PRDM16: variants seen among roughly 807,000 people sequenced by gnomAD.
PRDM16 encodes histone-lysine N-methyltransferase PRDM16.
In PRDM16, 23 loss-of-function variants were observed where a neutral mutation model predicts 110.6. The ratio of observed to expected loss-of-function variants is 0.21; its 90% CI spans 0.15 to 0.29. PRDM16 has a LOEUF of 0.29. PRDM16 is among the 10% of genes least tolerant of loss of function. PRDM16 has a pLI of 1.00. For synonymous variants in PRDM16, 799 were observed against 781.8 expected, an observed-to-expected ratio of 1.02 and a Z score of -0.37; for missense variants, 1,615 against 1,794.3, an observed-to-expected ratio of 0.90 and a Z score of 1.81.
Position 3,411,388 on chromosome 1 carries a change from G to A in PRDM16, c.1191G>A (p.Glu397=), listed in dbSNP as rs1569727082. Reference sequence around the variant, plus strand: ...TGGCTTCTGCTGATGTTTTAGGTGAGGTCTGCCACAAGTCCTACACGCAGT... The same window carrying A: ...TGGCTTCTGCTGATGTTTTAGGTGAAGTCTGCCACAAGTCCTACACGCAGT... ...IHSTVKPFIC[E]VCHKSYTQFS... Residue 397 remains glutamate, a synonymous_variant, in exon 9 of 17, where the codon GAG becomes GAA. Coordinates refer to ENST00000270722, the MANE Select transcript of PRDM16 (RefSeq NM_022114.4). 6.2e-7 allele frequency: 1 copy of A among 1,600,964 alleles called. No individual in the cohort carries two copies. The highest frequency in any genetic ancestry group is 8.6e-7 in the Non-Finnish European group (1 of 1,168,950).
Position 3,426,091 on chromosome 1 carries a change from C to G in PRDM16, c.3150C>G (p.Thr1050=). The change falls in exon 14 of 17, where the codon ACC becomes ACG. Residue 1050 remains threonine (T), a synonymous_variant. Coordinates refer to ENST00000270722, the MANE Select transcript of PRDM16 (RefSeq NM_022114.4). ...GGGTCCTCACGAACCACCTGGGGAC[C>G]AGCGCGTCCTCTCCCACCTCAGAGT... ...HPGVLTNHLG[T]SASSPTSESD... is the part of the protein sequence containing the mutation. 1 of 1,613,848 alleles carries G rather than the reference C, an allele frequency of 6.2e-7. No homozygotes were observed. The highest frequency in any genetic ancestry group is 8.5e-7 in the Non-Finnish European group (1 of 1,179,952).
chr1:3,412,347 G>A lies in PRDM16; in HGVS notation c.2150G>A (p.Gly717Asp), dbSNP rs746583494. The A allele has an allele frequency of 6.2e-7, 1 of 1,613,642 alleles. No individual in the cohort carries two copies. The highest frequency in any genetic ancestry group is 1.7e-5 in the Admixed American group (1 of 60,026). ...ATGGGGATGCAGGAGAAGAAGCTGGGCTCGCTCCCCTACCACTCGGCGTTC... is the reference window on the plus strand; with the variant it reads ...ATGGGGATGCAGGAGAAGAAGCTGGACTCGCTCCCCTACCACTCGGCGTTC... ...GFMGMQEKKL[G>D]SLPYHSAFPF... The change falls in exon 9 of 17, where the codon GGC (glycine) becomes GAC (aspartate). Residue 717 changes from glycine to aspartate, a missense_variant. Coordinates refer to ENST00000270722, the MANE Select transcript of PRDM16 (RefSeq NM_022114.4).
In PRDM16 at chr1:3,097,778, G is replaced by T. The variant is rs537235940; in HGVS notation, c.37+28482G>T. ...GGAAGCCAGGTGTGAGGGGGCGGGA[G>T]GCAGCGCCTTCTGTTTGGCCTCGTG... On this transcript the variant is annotated intron_variant, in intron 1 of 16. Transcript: ENST00000270722. Among the ~76,000 whole-genome samples, 8 of 152,324 alleles carry T rather than the reference G, an allele frequency of 5.3e-5. No homozygotes were observed. In the East Asian group the frequency reaches 1.5e-3, roughly 29 times the overall value.
At chr1:3,426,278 C>T (rs1016696076) in intron 14 of PRDM16, 53 bp downstream of exon 14, 118 of 1,511,830 alleles carry the variant, frequency 7.8e-5, no homozygotes, top group African/African-American at 2.5e-4. Flanking sequence ...AACAGCCCTG[C>T]GTGGCCACCC....
intron 3 of PRDM16, among the ~76,000 whole-genome samples, chr1:3,249,713 C>G (rs1232374264): frequency 6.6e-6 from 1 of 152,242 alleles, no homozygotes; most frequent in East Asian, 1.9e-4. Context: ...AATAGACTTG[C>G]TTCGTCGCAG....
intron 3 of PRDM16, among the ~76,000 whole-genome samples, chr1:3,251,146 A>G (rs1406685855): frequency 6.6e-6 from 1 of 152,258 alleles, no homozygotes. Context: ...GGAGACCCAG[A>G]GGAGCCGGAC....
At chr1:3,256,553 A>G (rs1441707069) in intron 3 of PRDM16, among the ~76,000 whole-genome samples, 1 of 152,166 alleles carries the variant, frequency 6.6e-6, no homozygotes, top group Non-Finnish European at 1.5e-5. Context: ...TGCACCTGTC[A>G]TTGCTCTAAA....
intron 1 of PRDM16, among the ~76,000 whole-genome samples, chr1:3,176,948 CCATT>C (rs1044722249): frequency 9.2e-5 from 14 of 152,134 alleles, no homozygotes; most frequent in South Asian, 6.2e-4. Flanking sequence ...ATTCACATAC[CCATT>C]CATTCATTCA....
At chr1:3,337,554 T>C (rs1455992942) in intron 3 of PRDM16, among the ~76,000 whole-genome samples, 2 of 152,164 alleles carry the variant, frequency 1.3e-5, no homozygotes, top group Admixed American at 6.5e-5. Flanking sequence ...ACCTTTGAGC[T>C]AGAGGCCCTT....
intron 3 of PRDM16, among the ~76,000 whole-genome samples, chr1:3,270,202 C>T (rs1047415466): frequency 5.6e-5 from 8 of 143,040 alleles, no homozygotes; most frequent in East Asian, 2.2e-4. Flanking sequence ...AAGACAGTCC[C>T]GGAGGAGGAC....
In PRDM16 at chr1:3,418,721, G is replaced by A. The variant is rs537121344; in HGVS notation, c.2916G>A (p.Thr972=). The change falls in exon 12 of 17, where the codon ACG becomes ACA. Residue 972 remains threonine (T), a synonymous_variant. Coordinates refer to ENST00000270722, the MANE Select transcript of PRDM16 (RefSeq NM_022114.4). The part of the protein sequence containing the change: ...RSANLTRHLR[T]HTGEQPYRCK... The stretch of plus-strand genomic sequence containing the variant: ...CCAATCTCACCAGACACCTGAGGAC[G>A]CACACTGGGGAGCAGCCGTACAGGT... 23 of 1,613,446 alleles carry A rather than the reference G, an allele frequency of 1.4e-5. No individual in the cohort carries two copies. The highest frequency in any genetic ancestry group is 1.7e-4 in the Middle Eastern group (1 of 6,058).
At chr1:3,319,723 G>T (rs116069381) in intron 3 of PRDM16, among the ~76,000 whole-genome samples, 2 of 152,174 alleles carry the variant, frequency 1.3e-5, no homozygotes, top group Non-Finnish European at 2.9e-5. Flanking sequence ...GCCCAGGTCT[G>T]CTGGCCTCCA....
chr1:3,424,262 C>T (rs1638525830), intron 12 of PRDM16, among the ~76,000 whole-genome samples: 1 of 152,220 alleles, frequency 6.6e-6, no homozygotes, highest in Non-Finnish European at 1.5e-5. Flanking sequence ...TCGCTCAGGC[C>T]CCCTAGTTCT....
chr1:3,121,168 A>G (rs955840873), intron 1 of PRDM16, among the ~76,000 whole-genome samples: 2 of 152,120 alleles, frequency 1.3e-5, no homozygotes, highest in African/African-American at 4.8e-5. Flanking sequence ...CCCGCAGGTC[A>G]CAGGATCAGG....
chr1:3,172,638 C>T (rs34503920), intron 1 of PRDM16, among the ~76,000 whole-genome samples: 8,803 of 152,298 alleles, frequency 0.058, 280 homozygotes, highest in Admixed American at 0.075. Context: ...CGGCGACACA[C>T]GCCACCACCT....
At position 3,254,999 on chromosome 1, in the gene PRDM16, G is replaced by A. The variant is rs570741029; in HGVS notation, c.438+10862G>A. ...ACAGAACAGAGCCCTCAGAAATAAC[G>A]CCGCATGTCTACAACTATCTGATCT... On this transcript the variant is annotated intron_variant, in intron 3 of 16. Coordinates refer to ENST00000270722, the MANE Select transcript of PRDM16 (RefSeq NM_022114.4). Among the ~76,000 whole-genome samples, 540 of 152,126 alleles carry A rather than the reference G, an allele frequency of 3.5e-3. 4 individuals carry two copies. The highest frequency in any genetic ancestry group is 0.012 in the African/African-American group (513 of 41,476).
At chr1:3,365,964 A>G (rs530638775) in intron 3 of PRDM16, among the ~76,000 whole-genome samples, 3 of 151,530 alleles carry the variant, frequency 2.0e-5, no homozygotes, top group South Asian at 2.1e-4. Context: ...GCACACATGC[A>G]CACACACGCA....
chr1:3,396,663 G>A, intron 5 of PRDM16, 70 bp downstream of exon 5: 1 of 664,892 alleles, frequency 1.5e-6, no homozygotes, highest in East Asian at 2.7e-5. Flanking sequence ...AGGAGCAGAT[G>A]CCTGGGAGGA....
At chr1:3,365,849 C>T (rs191876875) in intron 3 of PRDM16, among the ~76,000 whole-genome samples, 24 of 152,312 alleles carry the variant, frequency 1.6e-4, no homozygotes, top group Admixed American at 5.2e-4. Context: ...GCTGCAGGGA[C>T]GACTTTGAAG....
Sources: gnomAD v4.1 joint callset for allele counts (sites outside exome capture counted in the v4.1 genomes callset) on GRCh38, gnomAD v4.1.1 for gene constraint, MANE v1.5 for transcripts, NCBI Gene and HGNC (gene_info 2026-07-23, HGNC 2026-07-21) for gene names.